The following ZNF280D variants were observed in gnomAD, a reference collection of about 807,000 sequenced individuals.
The protein encoded by ZNF280D is zinc finger protein 280D, also known as suppressor of hairy wing homolog 4.
In ZNF280D, 39 loss-of-function variants were observed where a neutral mutation model predicts 94.7. The observed-to-expected ratio is 0.41, with a 90% CI of 0.32 to 0.54. The LOEUF is 0.54. ZNF280D is among the 20% of genes least tolerant of loss of function. The pLI is 0.22. For synonymous variants in ZNF280D, 398 were observed against 377.6 expected (o/e 1.05, Z -0.63); for missense variants, 1,090 against 1,149.3 (o/e 0.95, Z 0.75).
intron 1 of ZNF280D, among the ~76,000 whole-genome samples, chr15:56,708,401 A>C (rs1405019663): frequency 2.6e-5 from 4 of 152,190 alleles, no homozygotes; most frequent in African/African-American, 9.7e-5. Flanking sequence ...CAACAGTATA[A>C]TGCTTATTTC....
intron 17 of ZNF280D, among the ~76,000 whole-genome samples, chr15:56,655,511 C>T (rs1312053988): frequency 6.6e-6 from 1 of 152,164 alleles, no homozygotes; most frequent in Non-Finnish European, 1.5e-5. Context: ...GGCCTGAGTG[C>T]TGTAGTTCTT....
intron 17 of ZNF280D, among the ~76,000 whole-genome samples, chr15:56,658,179 AGGGAT>A (rs1379383044): frequency 1.3e-5 from 2 of 152,176 alleles, no homozygotes; most frequent in East Asian, 1.9e-4. Flanking sequence ...GTTGTTGTTC[AGGGAT>A]GGGAAGAGCT....
At chr15:56,674,185 G>A (rs2055061977) in intron 13 of ZNF280D, among the ~76,000 whole-genome samples, 1 of 151,936 alleles carries the variant, frequency 6.6e-6, no homozygotes, top group African/African-American at 2.4e-5. Context: ...TGAGTAGCAT[G>A]TACAATTTAG....
intron 1 of ZNF280D, among the ~76,000 whole-genome samples, chr15:56,720,308 C>A (rs1400082521): frequency 6.6e-6 from 1 of 152,178 alleles, no homozygotes; most frequent in Non-Finnish European, 1.5e-5. Context: ...AGAAACAACT[C>A]CTCATTCATT....
chr15:56,653,374 A>G, intron 19 of ZNF280D: 1 of 1,294,012 alleles, frequency 7.7e-7, no homozygotes, highest in Non-Finnish European at 9.8e-7. Context: ...TGGGCCTTAA[A>G]GCCATCTCTG....
Position 56,631,965 on chromosome 15 carries a change from C to G in ZNF280D, c.2473G>C (p.Val825Leu). 1.2e-6 allele frequency: 2 copies of G among 1,613,958 alleles called. No individual in the cohort carries two copies. Among genetic ancestry groups the G allele is most frequent in the Non-Finnish European group, 1.7e-6 (2 of 1,180,002 alleles). The change falls in exon 22 of 22, where the codon GTC becomes CTC. Residue 825 changes from valine (V) to leucine (L), a missense_variant. Physicochemically the swap from Val to Leu is conservative, Grantham distance 32. Coordinates refer to ENST00000267807, the MANE Select transcript of ZNF280D (RefSeq NM_017661.4). ...GCACCAATATTTGAATCACAACTGA[C>G]GATGTTTTTTGAGCCAGTTTCCTGG... ...ADQETGSKNIVSCDSNIGADK... is the reference protein window; with the variant it reads ...ADQETGSKNILSCDSNIGADK...
At chr15:56,695,746 T>C (rs2056711967) in intron 6 of ZNF280D, among the ~76,000 whole-genome samples, 1 of 151,996 alleles carries the variant, frequency 6.6e-6, no homozygotes, top group Admixed American at 6.5e-5. Context: ...GCCAGGATGG[T>C]CTACATCTCT....
At position 56,643,879 on chromosome 15, in the gene ZNF280D, T is replaced by C. The variant is rs564124818; in HGVS notation, c.2214-882A>G. Reference sequence around the variant, plus strand: ...TTTAACATAAGCAGCAACTATATTATCTTAAATTTCATTGACAAAAAAAAA... The same window carrying C: ...TTTAACATAAGCAGCAACTATATTACCTTAAATTTCATTGACAAAAAAAAA... On this transcript the variant is annotated intron_variant, in intron 19 of 21. Coordinates refer to ENST00000267807, the MANE Select transcript of ZNF280D (RefSeq NM_017661.4). Among the ~76,000 whole-genome samples, 8 of 151,914 alleles carry C rather than the reference T, an allele frequency of 5.3e-5. No homozygotes were observed. The East Asian group carries it at 1.4e-3, about 26-fold the overall frequency.
rs771671078 is a variant in ZNF280D, at chr15:56,700,981, C to A, written c.333G>T (p.Glu111Asp). ...VPASPINFHP[E>D]SRSSDSSVIV... is the part of the protein sequence containing the mutation. ...TAACAGAACTATCTGAAGATCTAGA[C>A]TCAGGATGAAAATTTATTGGTGAGG... The change falls in exon 6 of 22, where the codon GAG becomes GAT. Residue 111 changes from glutamate to aspartate, a missense_variant. Glu to Asp is a conservative substitution (Grantham distance 45, BLOSUM62 2). Around this residue, in one of 3 missense-constraint regions of ZNF280D, gnomAD observed 386 missense variants for 372.0 expected, o/e 1.04. Coordinates refer to ENST00000267807, the MANE Select transcript of ZNF280D (RefSeq NM_017661.4). 56 of 1,613,712 alleles carry A rather than the reference C, an allele frequency of 3.5e-5. No individual in the cohort carries two copies. The highest frequency in any genetic ancestry group is 4.7e-5 in the Non-Finnish European group (55 of 1,179,842).
chr15:56,636,562 C>T (rs2052362847), intron 20 of ZNF280D, among the ~76,000 whole-genome samples: 1 of 148,626 alleles, frequency 6.7e-6, no homozygotes, highest in South Asian at 2.1e-4. Context: ...CAGCTCACTA[C>T]AACCTCCACC....
intron 1 of ZNF280D, among the ~76,000 whole-genome samples, chr15:56,723,037 A>G (rs1157854938): frequency 1.5e-5 from 2 of 135,728 alleles, no homozygotes; most frequent in African/African-American, 5.6e-5. Context: ...ATGAGATCAC[A>G]TGGACACAGG....
chr15:56,649,307 C>T (rs181727785), intron 19 of ZNF280D, among the ~76,000 whole-genome samples: 46 of 152,148 alleles, frequency 3.0e-4, no homozygotes, highest in African/African-American at 1.1e-3. Context: ...ACAGTTTGTC[C>T]TAAATGAAAG....
chr15:56,644,284 A>G (rs2140571223), intron 19 of ZNF280D, among the ~76,000 whole-genome samples: 1 of 152,214 alleles, frequency 6.6e-6, no homozygotes, highest in East Asian at 1.9e-4. Flanking sequence ...TGTCTCAAGT[A>G]TTTAATTGTG....
At chr15:56,692,923 T>C (rs1419130315) in intron 7 of ZNF280D, among the ~76,000 whole-genome samples, 175 bp downstream of exon 7, 2 of 152,138 alleles carry the variant, frequency 1.3e-5, no homozygotes, top group South Asian at 4.1e-4. Flanking sequence ...TGTCATTAAA[T>C]AGGATTTTAC....
In ZNF280D at chr15:56,631,679, G is replaced by A. The variant is rs2052080915; in HGVS notation, c.2759C>T (p.Pro920Leu). 1 of 1,613,992 alleles carries A rather than the reference G, an allele frequency of 6.2e-7. No homozygotes were observed. Among genetic ancestry groups the A allele is most frequent in the South Asian group, 1.1e-5 (1 of 91,074 alleles). Residue 920 changes from proline to leucine, a missense_variant, in exon 22 of 22, where the codon CCT (proline) becomes CTT (leucine). By Grantham distance (98) the Pro-to-Leu change is moderately conservative. Around this residue, in one of 3 missense-constraint regions of ZNF280D, gnomAD observed 577 missense variants for 568.8 expected, o/e 1.01. Transcript: ENST00000267807. ...VSEQGSIHLE[P>L]LTPSEVLEYE... ...CTCAAGTACCTCGGATGGAGTCAGA[G>A]GTTCCAAATGAATACTGCCTTGCTC...
At chr15:56,660,716 T>C (rs866996371) in intron 16 of ZNF280D, among the ~76,000 whole-genome samples, 1 of 152,130 alleles carries the variant, frequency 6.6e-6, no homozygotes, top group Non-Finnish European at 1.5e-5. Flanking sequence ...TGACAGTATA[T>C]AATTATCAAA....
At chr15:56,642,181 T>A (rs2052662391) in intron 20 of ZNF280D, among the ~76,000 whole-genome samples, 1 of 151,700 alleles carries the variant, frequency 6.6e-6, no homozygotes. Context: ...TTAAAAAATT[T>A]AAAAACCTGC....
At chr15:56,675,681 G>T (rs2055183903) in intron 13 of ZNF280D, among the ~76,000 whole-genome samples, 1 of 151,928 alleles carries the variant, frequency 6.6e-6, no homozygotes, top group South Asian at 2.1e-4. Flanking sequence ...AATTGATCTG[G>T]AAATTCTACT....
chr15:56,669,873 TTATATATATA>T (rs71113014), intron 13 of ZNF280D, among the ~76,000 whole-genome samples: 1 of 8,482 alleles, frequency 1.2e-4, no homozygotes, highest in Non-Finnish European at 2.2e-4. Context: ...TATATATATT[TTATATATATA>T]TATATTATAT....
Sources: gnomAD v4.1 joint callset for allele counts (sites outside exome capture counted in the v4.1 genomes callset) on GRCh38, gnomAD v4.1.1 for gene constraint, gnomAD v4.1.1 regional missense constraint, MANE v1.5 for transcripts, NCBI Gene and HGNC (gene_info 2026-07-23, HGNC 2026-07-21) for gene names.